Variants in UNC119B observed in about 807,000 individuals in gnomAD.
UNC119B encodes the protein unc-119 lipid binding chaperone B.
UNC119B carries 16 observed loss-of-function variants against 23.4 expected under a neutral mutation model. That is an observed-to-expected ratio of 0.68 (90% CI 0.46 to 1.04). The LOEUF is 1.04. Among genes scored for constraint, UNC119B ranks in the 50% least tolerant of loss-of-function variants. The pLI is 0.00. For missense variants in UNC119B, 350 were observed against 361.3 expected, an observed-to-expected ratio of 0.97 and a Z score of 0.25; for synonymous variants, 144 against 145.4, an observed-to-expected ratio of 0.99 and a Z score of 0.07.
chr12:120,711,049 C>G (rs1464743445), intron 1 of UNC119B: 6 of 204,142 alleles, frequency 2.9e-5, no homozygotes, highest in Non-Finnish European at 5.9e-5. Flanking sequence ...GGCCGGGGGC[C>G]GAGGTCCCCT....
Position 120,720,601 on chromosome 12 carries a change from G to C in UNC119B, c.*569G>C, listed in dbSNP as rs2136933872. 1 of 153,176 alleles carries C rather than the reference G, an allele frequency of 6.5e-6. No homozygotes were observed. The highest frequency in any genetic ancestry group is 1.9e-4 in the East Asian group (1 of 5,200). 9.5% of individuals were successfully genotyped at this position (153,176 alleles called of 1,614,324 possible). On this transcript the variant is annotated 3_prime_UTR_variant, in exon 5 of 5. Transcript: ENST00000344651. ...CAAGAGTGGAGGCACCAAGGAATGG[G>C]TGATGCTGCCAAGCTGAAGGGTCTG...
At position 120,716,740 on chromosome 12, in the gene UNC119B, G is replaced by T. The variant is rs778258878; in HGVS notation, c.470+1G>T. The T allele has an allele frequency of 6.2e-7, 1 of 1,613,754 alleles. No individual in the cohort carries two copies. The highest frequency in any genetic ancestry group is 8.5e-7 in the Non-Finnish European group (1 of 1,179,762). On this transcript the variant is annotated splice_donor_variant, in intron 3 of 4. Transcript: ENST00000344651. LOFTEE classifies it high-confidence loss of function. ...TCCGCCTCCGGACAGTCGGGGCTAC[G>T]TGAGTACCATTACTACCTGAGGGGA...
chr12:120,716,870 G>GAACT lies in UNC119B; in HGVS notation c.471_472insAACT (p.Val158AsnfsTer31). ...GGGCTTACAGAGATTTATTTTCCAG[G>GAACT]GTGGAGTTCACAGTGGGAGACAAAC... On this transcript the variant is annotated frameshift_variant and splice_region_variant, in exon 4 of 5. Transcript: ENST00000344651. LOFTEE classifies it high-confidence loss of function. 2 of 1,608,228 alleles carry GAACT rather than the reference G, an allele frequency of 1.2e-6. No individual in the cohort carries two copies. Among genetic ancestry groups the GAACT allele is most frequent in the Non-Finnish European group, 1.7e-6 (2 of 1,175,524 alleles).
rs1882939270 is a variant in UNC119B, at chr12:120,722,708, T to TTCC, written c.*2678_*2680dup. On this transcript the variant is annotated 3_prime_UTR_variant, in exon 5 of 5. Coordinates refer to ENST00000344651, the MANE Select transcript of UNC119B (RefSeq NM_001080533.3). ...CAGTCTCCTGGAGAGAGCCTCTCTT[T>TTCC]TCCTGTACAGCCTTTGGGCCAAAAT... 6.6e-6 allele frequency: 1 copy of TTCC among 152,232 alleles called. No individual in the cohort carries two copies. Among genetic ancestry groups the TTCC allele is most frequent in the Non-Finnish European group, 1.5e-5 (1 of 68,036 alleles). The allele number at this position is 152,232 out of a possible 1,614,324, so 9.4% of individuals were successfully genotyped here.
rs756078251 is a variant in UNC119B at position 120,710,605 on chromosome 12, C to T, written c.131C>T (p.Ala44Val). Residue 44 changes from alanine to valine, a missense_variant, in exon 1 of 5, where the codon GCG (alanine) becomes GTG (valine). Coordinates refer to ENST00000344651, the MANE Select transcript of UNC119B (RefSeq NM_001080533.3). ...VLNRLKARRQ[A>V]PHHAADDGVG... ...AACCGCCTGAAGGCGCGGCGGCAGG[C>T]GCCCCACCACGCGGCCGACGACGGC... The T allele has an allele frequency of 1.2e-5, 17 of 1,434,184 alleles. 1 individual carries two copies. In the South Asian group the frequency reaches 2.3e-4, roughly 20 times the overall value. The allele number at this position is 1,434,184 out of a possible 1,614,324, so 88.8% of individuals were successfully genotyped here. A position where few individuals can be genotyped will look rare whatever the true frequency, so the allele number is the denominator to read the frequency against.
chr12:120,716,591 C>T (rs746709420), intron 2 of UNC119B, 37 bp from the exon 3 acceptor site: 10 of 1,606,570 alleles, frequency 6.2e-6, no homozygotes, highest in South Asian at 5.5e-5. Flanking sequence ...TTGAGAATGT[C>T]GAGATGGTGC....
In UNC119B at chr12:120,720,276, G is replaced by C; in HGVS notation, c.*244G>C. ...GCAGAGGTACTATAGTAAAGTAAAA[G>C]GTTAGGATAAGGGTCCTGGAATCCA... On this transcript the variant is annotated 3_prime_UTR_variant, in exon 5 of 5. Coordinates refer to ENST00000344651, the MANE Select transcript of UNC119B (RefSeq NM_001080533.3). 2.1e-6 allele frequency: 1 copy of C among 474,010 alleles called. No individual in the cohort carries two copies. Among genetic ancestry groups the C allele is most frequent in the Admixed American group, 4.0e-5 (1 of 24,928 alleles). The allele number at this position is 474,010 out of a possible 1,614,324, so 29.4% of individuals were successfully genotyped here.
rs1354451593 is a variant in UNC119B, at chr12:120,710,615, C to G, written c.141C>G (p.His47Gln). ...RLKARRQAPH[H>Q]AADDGVGAAV... ...AGGCGCGGCGGCAGGCGCCCCACCA[C>G]GCGGCCGACGACGGCGTCGGGGCAG... Residue 47 changes from histidine to glutamine, a missense_variant, in exon 1 of 5, where the codon CAC (histidine) becomes CAG (glutamine). By Grantham distance (24) the His-to-Gln change is conservative (BLOSUM62 0). Transcript: ENST00000344651. The G allele has an allele frequency of 1.4e-6, 2 of 1,440,962 alleles. No homozygotes were observed. Among genetic ancestry groups the G allele is most frequent in the Non-Finnish European group, 1.8e-6 (2 of 1,102,342 alleles). The allele number at this position is 1,440,962 out of a possible 1,614,324, so 89.3% of individuals were successfully genotyped here. A position where few individuals can be genotyped will look rare whatever the true frequency, so the allele number is the denominator to read the frequency against.
Position 120,713,360 on chromosome 12 carries a change from T to C in UNC119B, c.331T>C (p.Phe111Leu). ...AGATTTGGAGACAGGGACAGTACTT[T>C]TTGAGATTGCCAAACCTTGCGTTTC... ...IRDLETGTVL[F>L]EIAKPCVSDQ... The change falls in exon 2 of 5, where the codon TTT becomes CTT. Residue 111 changes from phenylalanine (F) to leucine (L), a missense_variant. Transcript: ENST00000344651. The C allele has an allele frequency of 1.2e-6, 2 of 1,614,136 alleles. No homozygotes were observed. The highest frequency in any genetic ancestry group is 1.7e-6 in the Non-Finnish European group (2 of 1,179,950).
chr12:120,719,206 G>A (rs1282736660), intron 4 of UNC119B, among the ~76,000 whole-genome samples: 1 of 152,126 alleles, frequency 6.6e-6, no homozygotes, highest in Non-Finnish European at 1.5e-5. Flanking sequence ...CTCCAGTATG[G>A]TTAAAGACTC....
intron 2 of UNC119B, among the ~76,000 whole-genome samples, chr12:120,715,287 G>C (rs951467920): frequency 6.6e-6 from 1 of 152,216 alleles, no homozygotes; most frequent in Admixed American, 6.5e-5. Context: ...CCCAAGATTT[G>C]CTGTCTCTCT....
At chr12:120,719,025 C>T (rs1210997404) in intron 4 of UNC119B, among the ~76,000 whole-genome samples, 1 of 152,144 alleles carries the variant, frequency 6.6e-6, no homozygotes, top group African/African-American at 2.4e-5. Context: ...GCCTGGAGGG[C>T]AATATTATGC....
chr12:120,713,322 G>C lies in UNC119B; in HGVS notation c.293G>C (p.Arg98Pro). 2 of 1,613,948 alleles carry C rather than the reference G, an allele frequency of 1.2e-6. No individual in the cohort carries two copies. The highest frequency in any genetic ancestry group is 1.7e-6 in the Non-Finnish European group (2 of 1,179,876). ...AACATCTACAGTATTGATTTCACCCGCTTCAAAATTCGAGATTTGGAGACA... is the reference window on the plus strand; with the variant it reads ...AACATCTACAGTATTGATTTCACCCCCTTCAAAATTCGAGATTTGGAGACA... ...EDNIYSIDFT[R>P]FKIRDLETGT... is the part of the protein sequence containing the mutation. The change falls in exon 2 of 5, where the codon CGC (arginine) becomes CCC (proline). Residue 98 changes from arginine to proline, a missense_variant. Transcript: ENST00000344651.
chr12:120,719,001 A>T (rs1882836796), intron 4 of UNC119B, among the ~76,000 whole-genome samples: 1 of 152,228 alleles, frequency 6.6e-6, no homozygotes, highest in African/African-American at 2.4e-5. Flanking sequence ...AGTTTTACCC[A>T]TGAAGCCAAA....
At chr12:120,716,343 C>T (rs1882777861) in intron 2 of UNC119B, among the ~76,000 whole-genome samples, 1 of 152,212 alleles carries the variant, frequency 6.6e-6, no homozygotes, top group Non-Finnish European at 1.5e-5. Context: ...AATCCCTGTT[C>T]CCTCCTCTTA....
intron 1 of UNC119B, 176 bp downstream of exon 1, chr12:120,710,894 C>G (rs1473163652): frequency 1.9e-6 from 1 of 536,366 alleles, no homozygotes; most frequent in Non-Finnish European, 2.7e-6. Context: ...TCACGTAGCT[C>G]TGGTGGGGAA....
Position 120,721,708 on chromosome 12 carries a change from C to T in UNC119B, c.*1676C>T, listed in dbSNP as rs1882906422. Reference sequence around the variant, plus strand: ...CTGTGTGCTGGCCTTGGATTCAGCCCCGAGAGAGGGGAGAGACCATTCCTC... The same window carrying T: ...CTGTGTGCTGGCCTTGGATTCAGCCTCGAGAGAGGGGAGAGACCATTCCTC... On this transcript the variant is annotated 3_prime_UTR_variant, in exon 5 of 5. Transcript: ENST00000344651. 2 of 152,718 alleles carry T rather than the reference C, an allele frequency of 1.3e-5. No homozygotes were observed. The highest frequency in any genetic ancestry group is 4.8e-5 in the African/African-American group (2 of 41,456). The allele number at this position is 152,718 out of a possible 1,614,324, so 9.5% of individuals were successfully genotyped here. A position where few individuals can be genotyped will look rare whatever the true frequency, so the allele number is the denominator to read the frequency against.
In UNC119B at chr12:120,710,649, G is replaced by A; in HGVS notation, c.175G>A (p.Glu59Lys). 6.9e-7 allele frequency: 1 copy of A among 1,451,678 alleles called. No homozygotes were observed. The allele number at this position is 1,451,678 out of a possible 1,614,324, so 89.9% of individuals were successfully genotyped here. ...CGACGGCGTCGGGGCAGCGGTCACG[G>A]AGCAGGAGCTGCTGGCGCTGGACAC... ...ADDGVGAAVT[E>K]QELLALDTIR... The change falls in exon 1 of 5, where the codon GAG becomes AAG. Residue 59 changes from glutamate (E) to lysine (K), a missense_variant. Transcript: ENST00000344651.
rs1325377657 is a variant in UNC119B, at chr12:120,721,023, T to G, written c.*991T>G. The G allele has an allele frequency of 6.6e-6, 1 of 152,136 alleles. No homozygotes were observed. Among genetic ancestry groups the G allele is most frequent in the Non-Finnish European group, 1.5e-5 (1 of 68,044 alleles). The allele number at this position is 152,136 out of a possible 1,614,324, so 9.4% of individuals were successfully genotyped here. On this transcript the variant is annotated 3_prime_UTR_variant, in exon 5 of 5. Transcript: ENST00000344651. ...CAGCAGCAGCTTTCTAAAGGAGAGA[T>G]TTGACTTTTCTCTGCACTGCACAGC...
Sources: gnomAD v4.1 joint callset for allele counts (sites outside exome capture counted in the v4.1 genomes callset) on GRCh38, gnomAD v4.1.1 for gene constraint, MANE v1.5 for transcripts, NCBI Gene and HGNC (gene_info 2026-07-23, HGNC 2026-07-21) for gene names.